The following NADK variants were observed in gnomAD, a reference collection of about 807,000 sequenced individuals.
NADK encodes NAD kinase.
Under a neutral mutation model 49.8 loss-of-function variants are expected in NADK, and 22 were observed. The observed-to-expected ratio is 0.44, with a 90% CI of 0.32 to 0.63. The LOEUF (loss-of-function observed/expected upper bound fraction) is 0.63, where lower values mean the gene tolerates loss of function less well. Ranked by LOEUF, NADK falls within the 30% of genes least tolerant of loss-of-function variation. The pLI is 0.06. For synonymous variants in NADK, 268 were observed against 253.7 expected (o/e 1.06, Z -0.54); for missense variants, 438 against 609.4 (o/e 0.72, Z 2.96).
chr1:1,779,754 C>T (rs1426509068), upstream of NADK, among the ~76,000 whole-genome samples: 1 of 152,100 alleles, frequency 6.6e-6, no homozygotes, highest in Non-Finnish European at 1.5e-5. Flanking sequence ...CTCGGCCTCC[C>T]AAAGTACTAG....
At chr1:1,768,202 A>G (rs1023161189) in intron 1 of NADK, among the ~76,000 whole-genome samples, 3 of 150,812 alleles carry the variant, frequency 2.0e-5, no homozygotes, top group Admixed American at 6.6e-5. Flanking sequence ...AAATGAGGTC[A>G]TAAGTGTGGG....
chr1:1,772,169 T>C (rs1470764421), intron 1 of NADK, among the ~76,000 whole-genome samples: 1 of 151,660 alleles, frequency 6.6e-6, no homozygotes, highest in Non-Finnish European at 1.5e-5. Context: ...AATTTTTTTT[T>C]TTTTTCCTGT....
At chr1:1,770,574 T>C (rs1194210388) in intron 1 of NADK, among the ~76,000 whole-genome samples, 2 of 151,956 alleles carry the variant, frequency 1.3e-5, no homozygotes, top group African/African-American at 4.8e-5. Flanking sequence ...CTACTAAAAA[T>C]ACAAAAAATT....
intron 1 of NADK, among the ~76,000 whole-genome samples, chr1:1,776,920 T>A (rs1289962000): frequency 6.9e-6 from 1 of 145,402 alleles, no homozygotes; most frequent in Admixed American, 6.9e-5. Context: ...CTACAAAAAA[T>A]TTTATAAATC....
At chr1:1,759,087 CA>C (rs1557842841) in intron 3 of NADK, 1 of 1,518,804 alleles carries the variant, frequency 6.6e-7, no homozygotes, top group South Asian at 1.2e-5. Context: ...TCCCCGCCAA[CA>C]GTCACCACTG....
chr1:1,759,749 G>C (rs1298933971), intron 3 of NADK: 1 of 1,555,108 alleles, frequency 6.4e-7, no homozygotes, highest in Non-Finnish European at 8.7e-7. Flanking sequence ...CCTCCTGCGG[G>C]GCTGTCTGGC....
At chr1:1,767,251 C>T (rs1033801646) in intron 1 of NADK, among the ~76,000 whole-genome samples, 2 of 152,134 alleles carry the variant, frequency 1.3e-5, no homozygotes, top group Non-Finnish European at 2.9e-5. Context: ...TACAATAAAA[C>T]CAGGAAGAGA....
chr1:1,775,670 AT>A (rs1252867210), intron 1 of NADK, among the ~76,000 whole-genome samples: 1 of 152,202 alleles, frequency 6.6e-6, no homozygotes, highest in East Asian at 1.9e-4. Flanking sequence ...AAGGCCAGGC[AT>A]CACCTCCCTC....
chr1:1,754,137 T>G lies in NADK; in HGVS notation c.1015A>C (p.Asn339His), dbSNP rs566351993. 4.8e-5 allele frequency: 77 copies of G among 1,611,882 alleles called. 1 individual carries two copies. The South Asian group carries it at 8.0e-4, about 17-fold the overall frequency. The part of the protein sequence containing the change: ...AAAGASMIHP[N>H]VPAIMITPIC... ...GGCGTGATCATGATGGCCGGCACGT[T>G]GGGGTGGATCATGGAGGCCCCGGCC... Residue 339 changes from asparagine to histidine, a missense_variant, in exon 10 of 12, where the codon AAC becomes CAC. Asn to His is a moderately conservative substitution (Grantham distance 68). Coordinates refer to ENST00000341426, the MANE Select transcript of NADK (RefSeq NM_023018.5). This position sits in a 1 kb window ranked among gnomAD's most constrained non-coding sequence, Gnocchi z 4.3.
intron 3 of NADK, chr1:1,758,299 T>G: frequency 6.5e-7 from 1 of 1,529,450 alleles, no homozygotes; most frequent in African/African-American, 1.4e-5. Flanking sequence ...CAGACGCCGA[T>G]GGCAGCCACA....
chr1:1,756,782 T>A, intron 4 of NADK, 174 bp from the exon 5 acceptor site: 1 of 1,152,740 alleles, frequency 8.7e-7, no homozygotes. Context: ...GCAGGACCTT[T>A]AAGAGATGAC....
In NADK at chr1:1,752,194, G is replaced by A. The variant is rs1557826483; in HGVS notation, c.*710C>T. 1 of 152,664 alleles carries A rather than the reference G, an allele frequency of 6.6e-6. No homozygotes were observed. Among genetic ancestry groups the A allele is most frequent in the Non-Finnish European group, 1.5e-5 (1 of 68,052 alleles). 9.5% of individuals were successfully genotyped at this position (152,664 alleles called of 1,614,324 possible). A position where few individuals can be genotyped will look rare whatever the true frequency, so the allele number is the denominator to read the frequency against. On this transcript the variant is annotated 3_prime_UTR_variant, in exon 12 of 12. Coordinates refer to ENST00000341426, the MANE Select transcript of NADK (RefSeq NM_023018.5). ...AGTATGTACATCAGCACTTCAGAAA[G>A]TTTAAAAGAGTCTCTAAAAAGTATA... is the stretch of plus-strand genomic sequence containing the variant.
In NADK at chr1:1,754,261, C is replaced by G. The variant is rs779470049; in HGVS notation, c.943+23G>C. The G allele has an allele frequency of 2.0e-5, 33 of 1,613,326 alleles. No homozygotes were observed. The highest frequency in any genetic ancestry group is 8.5e-7 in the Non-Finnish European group (1 of 1,179,912). On this transcript the variant is annotated intron_variant, in intron 9 of 11. Coordinates refer to ENST00000341426, the MANE Select transcript of NADK (RefSeq NM_023018.5). The surrounding 1 kb of genome is among the most constrained non-coding windows in gnomAD (Gnocchi z 4.3). ...CCCGCCCGAGGGACGCTCAGGGCCC[C>G]AGGACAGTGCTGCGGGCCTTACCGT...
rs560872977 is a variant in NADK, at chr1:1,769,417, G to C, written c.-40-3971C>G. Among the ~76,000 whole-genome samples the C allele has an allele frequency of 3.3e-5, 5 of 152,288 alleles. No individual in the cohort carries two copies. The East Asian group carries it at 5.8e-4, about 18-fold the overall frequency. On this transcript the variant is annotated intron_variant, in intron 1 of 11. Transcript: ENST00000341426. ...CAAAAAACAATTAGCCGGGCGTGGT[G>C]GTGGGCGCCTACACTCCCAGCTACT...
intron 3 of NADK, among the ~76,000 whole-genome samples, chr1:1,761,238 C>A (rs1430069637): frequency 1.3e-5 from 2 of 152,130 alleles, no homozygotes; most frequent in Non-Finnish European, 2.9e-5. Context: ...TGATCCGCCC[C>A]CCTTGGCCTC....
chr1:1,775,601 T>A (rs1389399689), intron 1 of NADK, among the ~76,000 whole-genome samples: 1 of 152,322 alleles, frequency 6.6e-6, no homozygotes, highest in South Asian at 2.1e-4. Context: ...TCTTTAGATG[T>A]GGCTCCACCT....
chr1:1,779,414 G>A (rs2100408191), upstream of NADK, among the ~76,000 whole-genome samples: 1 of 152,298 alleles, frequency 6.6e-6, no homozygotes, highest in South Asian at 2.1e-4. Context: ...CAGCTCTCGA[G>A]TCACTGTCAG....
At position 1,752,890 on chromosome 1, in the gene NADK, G is replaced by C; in HGVS notation, c.*14C>G. 1 of 1,608,582 alleles carries C rather than the reference G, an allele frequency of 6.2e-7. No homozygotes were observed. Among genetic ancestry groups the C allele is most frequent in the Non-Finnish European group, 8.5e-7 (1 of 1,177,532 alleles). Reference sequence around the variant, plus strand: ...AGGGCAGCGGAAGGATTCGGGCCTGGATAGGGGCTTGACCTAGCCCTCCTC... The same window carrying C: ...AGGGCAGCGGAAGGATTCGGGCCTGCATAGGGGCTTGACCTAGCCCTCCTC... On this transcript the variant is annotated 3_prime_UTR_variant, in exon 12 of 12. Coordinates refer to ENST00000341426, the MANE Select transcript of NADK (RefSeq NM_023018.5).
At position 1,754,671 on chromosome 1, in the gene NADK, C is replaced by T. The variant is rs936564493; in HGVS notation, c.716G>A (p.Arg239Gln). Reference protein sequence around the residue: ...EGNAAVVLRSRLKVRVVKELR... With the variant: ...EGNAAVVLRSQLKVRVVKELR... ...CTCCTTCACCACCCTGACCTTCAGC[C>T]GACTCCGGAGAACAACAGCTGCGTT... is the stretch of plus-strand genomic sequence containing the variant. Residue 239 changes from arginine to glutamine, a missense_variant, in exon 8 of 12, where the codon CGG becomes CAG. Coordinates refer to ENST00000341426, the MANE Select transcript of NADK (RefSeq NM_023018.5). The surrounding 1 kb of genome is among the most constrained non-coding windows in gnomAD (Gnocchi z 4.3). 1.2e-5 allele frequency: 19 copies of T among 1,613,722 alleles called. No individual in the cohort carries two copies. The highest frequency in any genetic ancestry group is 3.3e-5 in the South Asian group (3 of 91,064).
Sources: gnomAD v4.1 joint callset for allele counts (sites outside exome capture counted in the v4.1 genomes callset) on GRCh38, gnomAD v4.1.1 for gene constraint, Gnocchi (gnomAD v3.1) non-coding constraint, MANE v1.5 for transcripts, NCBI Gene and HGNC (gene_info 2026-07-23, HGNC 2026-07-21) for gene names.